NRXN3: variants seen among roughly 807,000 people sequenced by gnomAD.
The protein encoded by NRXN3 is neurexin 3, also known as neurexin III.
Under a neutral mutation model 137.6 loss-of-function variants are expected in NRXN3, and 32 were observed. The ratio of observed to expected loss-of-function variants is 0.23; its 90% CI spans 0.18 to 0.31. NRXN3 has a LOEUF of 0.31. Among genes scored for constraint, NRXN3 ranks in the 10% least tolerant of loss-of-function variants. NRXN3 has a pLI of 1.00. For synonymous variants in NRXN3, 798 were observed against 784.5 expected (o/e 1.02, Z -0.29); for missense variants, 1,574 against 2,062.5 (o/e 0.76, Z 4.59).
At chr14:78,253,034 A>C (rs2068899899) in intron 2 of NRXN3, among the ~76,000 whole-genome samples, 1 of 152,196 alleles carries the variant, frequency 6.6e-6, no homozygotes, top group Admixed American at 6.5e-5. Context: ...TTGAGAGTTA[A>C]GAGAATGGGA....
At chr14:78,669,164 C>G (rs138233670) in intron 6 of NRXN3, among the ~76,000 whole-genome samples, 9 of 152,076 alleles carry the variant, frequency 5.9e-5, no homozygotes, top group Middle Eastern at 6.8e-3. Flanking sequence ...AACAGTAATT[C>G]CATAGAGAGA....
chr14:78,512,246 GC>G (rs1249260829), intron 4 of NRXN3, among the ~76,000 whole-genome samples: 1 of 152,102 alleles, frequency 6.6e-6, no homozygotes, highest in Non-Finnish European at 1.5e-5. Context: ...AGGCAAGCCA[GC>G]CTAGATCAGA....
chr14:78,979,707 T>C (rs1292889852), intron 14 of NRXN3, among the ~76,000 whole-genome samples: 1 of 152,178 alleles, frequency 6.6e-6, no homozygotes, highest in Non-Finnish European at 1.5e-5. Flanking sequence ...AGAGACTTAA[T>C]GTACTCATAG....
At chr14:78,235,000 A>ATATATATATATATATATATATGTG (rs1567037092) in intron 1 of NRXN3, among the ~76,000 whole-genome samples, 715 of 38,398 alleles carry the variant, frequency 0.019, 11 homozygotes, top group Middle Eastern at 0.057. Flanking sequence ...GCTTTTATAT[A>ATATATATATATATATATATATGTG]TATATATATA....
chr14:78,861,017 T>C (rs1273776731), intron 10 of NRXN3, among the ~76,000 whole-genome samples: 1 of 152,104 alleles, frequency 6.6e-6, no homozygotes, highest in Non-Finnish European at 1.5e-5. Context: ...TCTGAGTTGG[T>C]GGTATAAATG....
intron 8 of NRXN3, among the ~76,000 whole-genome samples, chr14:78,777,427 C>A (rs1301547943): frequency 6.6e-6 from 1 of 152,102 alleles, no homozygotes; most frequent in Non-Finnish European, 1.5e-5. Flanking sequence ...TGTGGTGGGT[C>A]CATCTTGATT....
chr14:78,605,526 T>G (rs2097242855), intron 4 of NRXN3, among the ~76,000 whole-genome samples: 1 of 152,144 alleles, frequency 6.6e-6, no homozygotes, highest in African/African-American at 2.4e-5. Context: ...ACTAACCCTG[T>G]GAGATTCTGG....
At chr14:78,898,453 C>T (rs2099185088) in intron 10 of NRXN3, among the ~76,000 whole-genome samples, 1 of 151,652 alleles carries the variant, frequency 6.6e-6, no homozygotes, top group Non-Finnish European at 1.5e-5. Flanking sequence ...ATTTCATCTT[C>T]AAAGCACAAG....
chr14:79,225,458 C>T (rs1188820289), intron 15 of NRXN3, among the ~76,000 whole-genome samples: 1 of 152,030 alleles, frequency 6.6e-6, no homozygotes, highest in Non-Finnish European at 1.5e-5. Flanking sequence ...TTAGGGATTC[C>T]CAGGAATTAT....
At chr14:78,565,868 A>C (rs2096831631) in intron 4 of NRXN3, among the ~76,000 whole-genome samples, 1 of 152,224 alleles carries the variant, frequency 6.6e-6, no homozygotes, top group Admixed American at 6.5e-5. Flanking sequence ...AAAGTATTAT[A>C]GCCTAGCAAT....
At chr14:79,828,651 CTT>C (rs199609069) in intron 20 of NRXN3, among the ~76,000 whole-genome samples, 97,938 of 110,650 alleles carry the variant, frequency 0.89, 43,177 homozygotes, top group East Asian at 0.98. Context: ...GTAAAATTGT[CTT>C]TTTTTTTTTT....
intron 16 of NRXN3, among the ~76,000 whole-genome samples, chr14:79,476,901 C>A (rs773300213): frequency 6.6e-6 from 1 of 152,068 alleles, no homozygotes. Context: ...TACTATTACA[C>A]CCCTAATGAA....
chr14:79,766,153 A>G (rs1430276564), intron 19 of NRXN3, among the ~76,000 whole-genome samples: 1 of 152,178 alleles, frequency 6.6e-6, no homozygotes, highest in Non-Finnish European at 1.5e-5. Flanking sequence ...TCCTATACCA[A>G]ATATCCTAAT....
intron 6 of NRXN3, among the ~76,000 whole-genome samples, chr14:78,674,431 G>A (rs1243198031): frequency 6.6e-6 from 1 of 152,198 alleles, no homozygotes; most frequent in African/African-American, 2.4e-5. Flanking sequence ...AAAATTGAGA[G>A]ATCCTTGGCA....
chr14:79,183,889 A>T (rs1490472267), intron 15 of NRXN3, among the ~76,000 whole-genome samples: 1 of 152,224 alleles, frequency 6.6e-6, no homozygotes, highest in African/African-American at 2.4e-5. Flanking sequence ...TGGAATCCTC[A>T]AATGGTTTTG....
intron 16 of NRXN3, among the ~76,000 whole-genome samples, chr14:79,497,625 A>G (rs1386164120): frequency 6.6e-6 from 1 of 152,196 alleles, no homozygotes; most frequent in East Asian, 1.9e-4. Context: ...ACACTAGAAC[A>G]CAGGCTCCCA....
chr14:79,755,328 G>A (rs1417642016), intron 19 of NRXN3, among the ~76,000 whole-genome samples: 5 of 151,470 alleles, frequency 3.3e-5, no homozygotes, highest in Non-Finnish European at 5.9e-5. Flanking sequence ...TTGAATCTAC[G>A]GTTTATATGA....
chr14:79,642,648 C>A (rs2098438338), intron 16 of NRXN3, among the ~76,000 whole-genome samples: 1 of 134,674 alleles, frequency 7.4e-6, no homozygotes, highest in African/African-American at 2.5e-5. Flanking sequence ...TTTAGTACAC[C>A]ATGTATATAA....
chr14:79,282,087 T>A (rs1038730093), intron 15 of NRXN3, among the ~76,000 whole-genome samples: 1 of 152,014 alleles, frequency 6.6e-6, no homozygotes, highest in Non-Finnish European at 1.5e-5. Context: ...TGACTCCTGC[T>A]GGGTCTGGTG....
Sources: gnomAD v4.1 joint callset for allele counts (sites outside exome capture counted in the v4.1 genomes callset) on GRCh38, gnomAD v4.1.1 for gene constraint, MANE v1.5 for transcripts, NCBI Gene and HGNC (gene_info 2026-07-23, HGNC 2026-07-21) for gene names.